FAM227B: variants seen among roughly 807,000 people sequenced by gnomAD.
The protein encoded by FAM227B is protein FAM227B.
FAM227B carries 88 observed loss-of-function variants against 73.8 expected under a neutral mutation model. That is an observed-to-expected ratio of 1.19 (90% confidence interval 1.00 to 1.42). The LOEUF is 1.42. FAM227B is among the 40% of genes most tolerant of loss of function. FAM227B has a pLI of 0.00. For missense variants in FAM227B, 632 were observed against 590.9 expected (o/e 1.07, Z -0.72); for synonymous variants, 210 against 190.5 (o/e 1.10, Z -0.84).
chr15:49,454,866 C>T (rs902849585), intron 11 of FAM227B, among the ~76,000 whole-genome samples: 1 of 152,134 alleles, frequency 6.6e-6, no homozygotes, highest in Non-Finnish European at 1.5e-5. Context: ...GCCTCGGCCT[C>T]CCAAAGTGCT....
At chr15:49,570,737 G>A (rs2152359499) in intron 8 of FAM227B, among the ~76,000 whole-genome samples, 1 of 150,252 alleles carries the variant, frequency 6.7e-6, no homozygotes, top group South Asian at 2.1e-4. Context: ...TCTGTGACTG[G>A]CTTATTTCAG....
At chr15:49,469,355 T>A (rs770694883) in intron 11 of FAM227B, among the ~76,000 whole-genome samples, 107 of 152,140 alleles carry the variant, frequency 7.0e-4, no homozygotes, top group Non-Finnish European at 1.3e-3. Flanking sequence ...AAATTAAATT[T>A]AATTCTATTT....
intron 9 of FAM227B, among the ~76,000 whole-genome samples, chr15:49,567,656 T>A (rs1419400600): frequency 1.3e-5 from 2 of 152,150 alleles, no homozygotes; most frequent in Admixed American, 6.6e-5. Flanking sequence ...AACAAAGTAT[T>A]TGAATATGAC....
chr15:49,408,195 T>C (rs190078981), intron 11 of FAM227B, among the ~76,000 whole-genome samples: 299 of 152,340 alleles, frequency 2.0e-3, no homozygotes, highest in Non-Finnish European at 3.5e-3. Context: ...CTGAATAATA[T>C]TTTAACTGGT....
Position 49,443,171 on chromosome 15 carries a change from T to G in FAM227B, c.1012+65040A>C, listed in dbSNP as rs369594559. Among the ~76,000 whole-genome samples, 3 of 151,822 alleles carry G rather than the reference T, an allele frequency of 2.0e-5. No individual in the cohort carries two copies. The East Asian group carries it at 5.8e-4, about 30-fold the overall frequency. On this transcript the variant is annotated intron_variant, in intron 11 of 15. Coordinates refer to ENST00000299338, the MANE Select transcript of FAM227B (RefSeq NM_152647.3). ...TTAAATTTTCAAAAATTTTGTTAAC[T>G]TATTAAATACAGCCATTATTAAACA...
intron 11 of FAM227B, among the ~76,000 whole-genome samples, chr15:49,387,445 C>T (rs2151552702): frequency 6.6e-6 from 1 of 150,914 alleles, no homozygotes. Flanking sequence ...CTACAGCATC[C>T]CTTTATAAGA....
At chr15:49,526,052 C>A (rs2152203437) in intron 10 of FAM227B, among the ~76,000 whole-genome samples, 1 of 152,000 alleles carries the variant, frequency 6.6e-6, no homozygotes, top group Admixed American at 6.6e-5. Flanking sequence ...ACCAAACGAA[C>A]CTAATAGACA....
At chr15:49,583,918 A>T (rs1167910072) in intron 5 of FAM227B, among the ~76,000 whole-genome samples, 2 of 152,158 alleles carry the variant, frequency 1.3e-5, no homozygotes, top group Admixed American at 1.3e-4. Context: ...TTCACAACTG[A>T]ATTCTACCAG....
intron 13 of FAM227B, among the ~76,000 whole-genome samples, chr15:49,346,925 A>G (rs530517342): frequency 1.3e-5 from 2 of 152,306 alleles, no homozygotes; most frequent in East Asian, 3.9e-4. Context: ...CTATAAGTAA[A>G]ATATTTTAAT....
At chr15:49,434,537 A>C (rs1049220442) in intron 11 of FAM227B, 1 of 151,528 alleles carries the variant, frequency 6.6e-6, no homozygotes, top group African/African-American at 2.4e-5. Flanking sequence ...TAGAGGACAG[A>C]TGTATTATCC....
chr15:49,510,768 A>T (rs2058936432), intron 10 of FAM227B, among the ~76,000 whole-genome samples: 1 of 152,078 alleles, frequency 6.6e-6, no homozygotes, highest in South Asian at 2.1e-4. Flanking sequence ...ATGAGAAAAG[A>T]TGTATATAAG....
At chr15:49,594,526 C>G (rs1231090839) in intron 3 of FAM227B, among the ~76,000 whole-genome samples, 3 of 151,980 alleles carry the variant, frequency 2.0e-5, no homozygotes, top group Non-Finnish European at 4.4e-5. Context: ...AGGGTTTTTC[C>G]AATATTATCT....
At chr15:49,506,444 A>C (rs548628354) in intron 11 of FAM227B, among the ~76,000 whole-genome samples, 1 of 152,162 alleles carries the variant, frequency 6.6e-6, no homozygotes, top group South Asian at 2.1e-4. Context: ...GATCTGAATA[A>C]TACTATTAGC....
At position 49,371,333 on chromosome 15, in the gene FAM227B, T is replaced by C. The variant is rs1222382640; in HGVS notation, c.1079A>G (p.Glu360Gly). 3.1e-6 allele frequency: 5 copies of C among 1,602,212 alleles called. 1 individual carries two copies. The African/African-American group carries it at 5.4e-5, about 17-fold the overall frequency. ...PRAYTLPISK[E>G]ESRLSRLATK... Reference sequence around the variant, plus strand: ...TGCTAGTCTTGATAATCTTGATTCTTCCTTGGATATGGGCAACGTATATGC... The same window carrying C: ...TGCTAGTCTTGATAATCTTGATTCTCCCTTGGATATGGGCAACGTATATGC... Residue 360 changes from glutamate (E) to glycine (G), a missense_variant, in exon 12 of 16, where the codon GAA becomes GGA. By Grantham distance (98) the Glu-to-Gly change is moderately conservative. Transcript: ENST00000299338.
At chr15:49,331,098 T>C (rs1443278469) in intron 15 of FAM227B, 2 of 152,278 alleles carry the variant, frequency 1.3e-5, no homozygotes, top group Non-Finnish European at 2.9e-5. Context: ...ATTTTTGACA[T>C]TATACTAGCA....
At chr15:49,422,591 G>T in intron 11 of FAM227B, 1 of 1,239,770 alleles carries the variant, frequency 8.1e-7, no homozygotes, top group Non-Finnish European at 1.1e-6. Context: ...AGAGGCATTA[G>T]ACCAATACAC....
At chr15:49,347,829 G>C (rs1226738294) in intron 13 of FAM227B, among the ~76,000 whole-genome samples, 3 of 151,954 alleles carry the variant, frequency 2.0e-5, no homozygotes, top group African/African-American at 7.2e-5. Context: ...GACCAGCCTG[G>C]CCAACATGGT....
At chr15:49,365,180 T>G in intron 13 of FAM227B, 1 of 783,002 alleles carries the variant, frequency 1.3e-6, no homozygotes, top group Non-Finnish European at 2.3e-6. Flanking sequence ...TTTTGCATAA[T>G]ACAGATGGTC....
At chr15:49,508,124 T>C (rs370005733) in intron 11 of FAM227B, 87 bp downstream of exon 11, 19 of 1,422,464 alleles carry the variant, frequency 1.3e-5, no homozygotes, top group African/African-American at 1.2e-4. Context: ...ACCAAAAACA[T>C]AAATCATTAG....
Sources: allele counts gnomAD v4.1 joint callset (sites outside exome capture counted in the v4.1 genomes callset), GRCh38; gene constraint gnomAD v4.1.1; transcripts MANE v1.5; gene names NCBI Gene and HGNC (gene_info 2026-07-23, HGNC 2026-07-21).